CNTN5: variants seen among roughly 807,000 people sequenced by gnomAD.
CNTN5 encodes the protein contactin-5.
CNTN5 carries 77 observed loss-of-function variants against 129.1 expected under a neutral mutation model. The observed-to-expected ratio is 0.60, with a 90% CI of 0.50 to 0.72. The LOEUF (loss-of-function observed/expected upper bound fraction) is 0.72, where lower values mean the gene tolerates loss of function less well. Ranked by LOEUF, CNTN5 falls within the 30% of genes least tolerant of loss-of-function variation. The pLI is 0.00. For missense variants in CNTN5, 1,478 were observed against 1,328.8 expected (o/e 1.11, Z -1.75); for synonymous variants, 509 against 465.6 (o/e 1.09, Z -1.20).
intron 1 of CNTN5, among the ~76,000 whole-genome samples, chr11:99,113,376 TG>T (rs1255543030): frequency 2.6e-5 from 4 of 152,052 alleles, no homozygotes; most frequent in African/African-American, 9.7e-5. Flanking sequence ...ATCTTGAGTG[TG>T]GGAAGTTTAT....
intron 1 of CNTN5, among the ~76,000 whole-genome samples, chr11:99,211,864 C>G (rs10790540): frequency 0.64 from 97,351 of 151,816 alleles, 31,377 homozygotes; most frequent in Middle Eastern, 0.73. Context: ...TGATCTAAGT[C>G]TATTCTTTTA....
intron 6 of CNTN5, among the ~76,000 whole-genome samples, chr11:99,889,940 A>C (rs180993639): frequency 6.6e-6 from 1 of 152,292 alleles, no homozygotes; most frequent in Non-Finnish European, 1.5e-5. Flanking sequence ...TATTCTACAT[A>C]CTGATTTATT....
intron 1 of CNTN5, among the ~76,000 whole-genome samples, chr11:99,057,052 T>G (rs1453840764): frequency 6.6e-6 from 1 of 152,042 alleles, no homozygotes; most frequent in Non-Finnish European, 1.5e-5. Flanking sequence ...ATCACTAAAT[T>G]GACAAGCATG....
At chr11:99,401,093 C>A (rs548974694) in intron 2 of CNTN5, among the ~76,000 whole-genome samples, 1 of 151,942 alleles carries the variant, frequency 6.6e-6, no homozygotes, top group Non-Finnish European at 1.5e-5. Flanking sequence ...GATATGATCC[C>A]ATTTGTCTAT....
intron 1 of CNTN5, among the ~76,000 whole-genome samples, chr11:99,194,182 A>G (rs890879429): frequency 1.3e-5 from 2 of 152,188 alleles, no homozygotes; most frequent in African/African-American, 4.8e-5. Context: ...AAGCATAGAT[A>G]AATTTTTTCA....
At chr11:99,802,911 C>T (rs923498847) in intron 3 of CNTN5, among the ~76,000 whole-genome samples, 5 of 152,158 alleles carry the variant, frequency 3.3e-5, no homozygotes, top group African/African-American at 4.8e-5. Flanking sequence ...GGTGGCATGG[C>T]TCAGGCTGCC....
At chr11:100,075,888 A>C (rs11827197) in intron 13 of CNTN5, among the ~76,000 whole-genome samples, 6,507 of 152,210 alleles carry the variant, frequency 0.043, 159 homozygotes, top group African/African-American at 0.069. Flanking sequence ...CCTGCTTCCA[A>C]GGTCCTTTCA....
chr11:99,962,268 G>A (rs987773812), intron 8 of CNTN5, among the ~76,000 whole-genome samples: 3 of 151,650 alleles, frequency 2.0e-5, no homozygotes, highest in Non-Finnish European at 2.9e-5. Flanking sequence ...TTAACTCGTC[G>A]TTTAACATTA....
At chr11:99,959,755 T>C (rs1168175554) in intron 8 of CNTN5, among the ~76,000 whole-genome samples, 2 of 152,116 alleles carry the variant, frequency 1.3e-5, no homozygotes, top group Non-Finnish European at 2.9e-5. Flanking sequence ...AAAACTGTTA[T>C]TTTAAGGTTG....
chr11:99,934,265 T>C (rs1180702920), intron 7 of CNTN5, among the ~76,000 whole-genome samples: 1 of 152,214 alleles, frequency 6.6e-6, no homozygotes, highest in Non-Finnish European at 1.5e-5. Context: ...TACTTGCTTT[T>C]TCTTTCTCTT....
chr11:99,304,271 T>G (rs1864775485), intron 1 of CNTN5, among the ~76,000 whole-genome samples: 1 of 152,308 alleles, frequency 6.6e-6, no homozygotes, highest in South Asian at 2.1e-4. Flanking sequence ...TTTCCAAACC[T>G]ACTTTACCTT....
At chr11:100,102,907 T>C (rs1389464442) in intron 13 of CNTN5, among the ~76,000 whole-genome samples, 1 of 152,116 alleles carries the variant, frequency 6.6e-6, no homozygotes, top group East Asian at 1.9e-4. Context: ...GGAGAAGACA[T>C]AGAACAAGGG....
chr11:100,082,475 A>G (rs1426990225), intron 13 of CNTN5, among the ~76,000 whole-genome samples: 2 of 152,192 alleles, frequency 1.3e-5, no homozygotes, highest in Middle Eastern at 3.4e-3. Flanking sequence ...TTGTTTTGGT[A>G]GAGATGGGGT....
At chr11:100,039,010 T>A (rs956220266) in intron 9 of CNTN5, among the ~76,000 whole-genome samples, 1 of 152,174 alleles carries the variant, frequency 6.6e-6, no homozygotes, top group African/African-American at 2.4e-5. Flanking sequence ...ATCCTGTCAT[T>A]ATGGTGTTAG....
Position 100,067,683 on chromosome 11 carries a change from A to C in CNTN5, c.1163-2741A>C, listed in dbSNP as rs79074499. On this transcript the variant is annotated intron_variant, in intron 10 of 24. Transcript: ENST00000524871. ...AATTTTGAGGGCAGTGTAACAGGCC[A>C]CTTTTACTTGTAGAATTCTTGGTAG... is the stretch of plus-strand genomic sequence containing the variant. Among the ~76,000 whole-genome samples, 875 of 152,176 alleles carry C rather than the reference A, an allele frequency of 5.7e-3. 10 individuals are homozygous for C. The highest frequency in any genetic ancestry group is 0.02 in the African/African-American group (828 of 41,550).
chr11:99,808,345 T>C lies in CNTN5; in HGVS notation c.56-11199T>C, dbSNP rs75119798. Among the ~76,000 whole-genome samples, 662 of 105,764 alleles carry C rather than the reference T, an allele frequency of 6.3e-3. 4 individuals are homozygous for C. Among genetic ancestry groups the C allele is most frequent in the African/African-American group, 0.019 (642 of 34,228 alleles). The allele number at this position is 105,764 out of a possible 152,430, so 69.4% of individuals were successfully genotyped here. A position where few individuals can be genotyped will look rare whatever the true frequency, so the allele number is the denominator to read the frequency against. ...AACTGGACTTAAATGTGCTGTCAGT[T>C]GAGGCTACAAAAATCACAACCACAG... On this transcript the variant is annotated intron_variant, in intron 3 of 24. Coordinates refer to ENST00000524871, the MANE Select transcript of CNTN5 (RefSeq NM_014361.4).
chr11:99,208,622 T>A (rs1173814619), intron 1 of CNTN5, among the ~76,000 whole-genome samples: 1 of 152,102 alleles, frequency 6.6e-6, no homozygotes, highest in Non-Finnish European at 1.5e-5. Flanking sequence ...TTATCTTTAT[T>A]TTAGGAAGAG....
intron 3 of CNTN5, among the ~76,000 whole-genome samples, chr11:99,614,940 CTGT>C (rs1339481761): frequency 1.1e-4 from 16 of 151,440 alleles, no homozygotes; most frequent in African/African-American, 3.4e-4. Context: ...AATGGCCGTA[CTGT>C]TGTTTATGTG....
chr11:99,079,466 G>T lies in CNTN5; in HGVS notation c.-210+58196G>T, dbSNP rs17132920. Among the ~76,000 whole-genome samples, 721 of 152,234 alleles carry T rather than the reference G, an allele frequency of 4.7e-3. 7 individuals are homozygous for T. The highest frequency in any genetic ancestry group is 0.017 in the African/African-American group (695 of 41,554). On this transcript the variant is annotated intron_variant, in intron 1 of 24. Coordinates refer to ENST00000524871, the MANE Select transcript of CNTN5 (RefSeq NM_014361.4). ...ATATCTATCCTGAGCATCAGTAAGC[G>T]CTGTCAAATAAATTCAAGTGAATCT...
Sources: gnomAD v4.1 joint callset for allele counts (sites outside exome capture counted in the v4.1 genomes callset) on GRCh38, gnomAD v4.1.1 for gene constraint, MANE v1.5 for transcripts, NCBI Gene and HGNC (gene_info 2026-07-23, HGNC 2026-07-21) for gene names.